The following CCDC144A variants were observed in gnomAD, a reference collection of about 807,000 sequenced individuals.
CCDC144A encodes the protein coiled-coil domain containing 144A.
A neutral mutation model predicts 143.8 loss-of-function variants in CCDC144A; 41 were observed. That is an observed-to-expected ratio of 0.29 (90% CI 0.22 to 0.37). CCDC144A has a LOEUF of 0.37. CCDC144A is among the 10% of genes least tolerant of loss of function. The probability of loss-of-function intolerance (pLI) is 1.00; values close to 1 mark genes in which losing one functional copy is unlikely to be tolerated. For missense variants in CCDC144A, 637 were observed against 1,488.8 expected, an observed-to-expected ratio of 0.43 and a Z score of 9.41; for synonymous variants, 242 against 517.9, an observed-to-expected ratio of 0.47 and a Z score of 7.23.
chr17:16,679,070 T>C, the CCDC144A span, among the ~76,000 whole-genome samples: 1 of 140,804 alleles, frequency 7.1e-6, no homozygotes, highest in Admixed American at 7.0e-5. Context: ...TTTTTTGTTG[T>C]TGTTTTTGTA....
intron 12 of CCDC144A, chr17:16,737,398 C>G: frequency 1.1e-6 from 1 of 872,750 alleles, no homozygotes. Flanking sequence ...GATCTCCTGA[C>G]CTCGTGATCC....
At chr17:16,684,700 C>A (rs1293370443), upstream of CCDC144A, among the ~76,000 whole-genome samples, 1 of 151,720 alleles carries the variant, frequency 6.6e-6, no homozygotes, top group African/African-American at 2.4e-5. Context: ...CTCAGTGGTC[C>A]ACATCTGTAA....
chr17:16,673,563 T>C, the CCDC144A span, among the ~76,000 whole-genome samples: 3 of 151,972 alleles, frequency 2.0e-5, no homozygotes, highest in Non-Finnish European at 1.5e-5. Flanking sequence ...ATTTTGTATT[T>C]TTAGTAGAGA....
intron 15 of CCDC144A, chr17:16,767,326 A>ATGTC (rs1257171215): frequency 6.6e-6 from 1 of 152,254 alleles, no homozygotes; most frequent in Non-Finnish European, 1.5e-5. Context: ...ATACAAAGGC[A>ATGTC]TGTCTCCATA....
Position 16,708,808 on chromosome 17 carries a change from G to A in CCDC144A, c.751G>A (p.Glu251Lys), listed in dbSNP as rs1375579932. 1.2e-6 allele frequency: 2 copies of A among 1,611,730 alleles called. No homozygotes were observed. The highest frequency in any genetic ancestry group is 2.2e-5 in the East Asian group (1 of 44,852). Reference protein sequence around the residue: ...ENKQPQKTSQEPEMAKDCDRE... With the variant: ...ENKQPQKTSQKPEMAKDCDRE... ...TTTGCATCTGCAGAAAACGTCTCAAGAACCAGAAATGGCTAAGGATTGCGA... is the reference window on the plus strand; with the variant it reads ...TTTGCATCTGCAGAAAACGTCTCAAAAACCAGAAATGGCTAAGGATTGCGA... The change falls in exon 5 of 17, where the codon GAA becomes AAA. Residue 251 changes from glutamate (E) to lysine (K), a missense_variant. Physicochemically the swap from Glu to Lys is moderately conservative, Grantham distance 56. Transcript: ENST00000399273.
At chr17:16,707,401 T>C in intron 3 of CCDC144A, 68 bp from the exon 4 acceptor site, 6 of 838,024 alleles carry the variant, frequency 7.2e-6, no homozygotes, top group Non-Finnish European at 1.1e-5. Context: ...TTAAAATCTA[T>C]TTTTATAAAG....
At chr17:16,733,736 G>A (rs1162946233) in intron 11 of CCDC144A, among the ~76,000 whole-genome samples, 1 of 151,756 alleles carries the variant, frequency 6.6e-6, no homozygotes, top group African/African-American at 2.4e-5. Context: ...TGGTGGAAGA[G>A]CACTAGAAGT....
chr17:16,772,393 A>G (rs1450037672), intron 16 of CCDC144A, among the ~76,000 whole-genome samples: 1 of 151,814 alleles, frequency 6.6e-6, no homozygotes, highest in East Asian at 1.9e-4. Flanking sequence ...CTAGTAACCT[A>G]TTCAAGCAGT....
chr17:16,711,903 G>A, intron 6 of CCDC144A, 88 bp downstream of exon 6: 2 of 1,476,472 alleles, frequency 1.4e-6, no homozygotes, highest in South Asian at 1.3e-5. Flanking sequence ...GGCCAAGGCG[G>A]GTGAATCACC....
chr17:16,766,192 G>A lies in CCDC144A; in HGVS notation c.4098+2017G>A, dbSNP rs1476586401. On this transcript the variant is annotated intron_variant, in intron 15 of 16. Coordinates refer to ENST00000399273, the MANE Select transcript of CCDC144A (RefSeq NM_001382000.1). ...GAGGGGGCTTCCAGGTCACAGATAGGTGAGAGACAAACAGTTGCACTCTTT... is the reference window on the plus strand; with the variant it reads ...GAGGGGGCTTCCAGGTCACAGATAGATGAGAGACAAACAGTTGCACTCTTT... 2.0e-5 allele frequency: 3 copies of A among 152,590 alleles called. No individual in the cohort carries two copies. In the East Asian group the frequency reaches 5.8e-4, roughly 29 times the overall value. The allele number at this position is 152,590 out of a possible 1,614,324, so 9.5% of individuals were successfully genotyped here. A position where few individuals can be genotyped will look rare whatever the true frequency, so the allele number is the denominator to read the frequency against.
chr17:16,704,101 A>G (rs1911901071), intron 2 of CCDC144A, among the ~76,000 whole-genome samples: 1 of 152,148 alleles, frequency 6.6e-6, no homozygotes, highest in Non-Finnish European at 1.5e-5. Context: ...TTATGGTGAA[A>G]TGGACTTTAA....
chr17:16,761,897 A>T lies in CCDC144A; in HGVS notation c.3666+179A>T, dbSNP rs138781647. On this transcript the variant is annotated intron_variant, in intron 13 of 16. Transcript: ENST00000399273. Reference sequence around the variant, plus strand: ...TTTCGTTTCCATCATTCTTATAAGTAAATTGATCTTCCATAAGAATAATTC... The same window carrying T: ...TTTCGTTTCCATCATTCTTATAAGTTAATTGATCTTCCATAAGAATAATTC... Among the ~76,000 whole-genome samples, 334 of 152,370 alleles carry T rather than the reference A, an allele frequency of 2.2e-3. 1 individual carries two copies. The highest frequency in any genetic ancestry group is 7.4e-3 in the African/African-American group (306 of 41,578).
intron 12 of CCDC144A, chr17:16,745,916 A>T: frequency 1.9e-6 from 3 of 1,598,224 alleles, no homozygotes; most frequent in Non-Finnish European, 2.6e-6. Context: ...GCTCATCCTC[A>T]CTCCTTCTGG....
At chr17:16,680,082 T>G in the CCDC144A span, among the ~76,000 whole-genome samples, 16 of 152,140 alleles carry the variant, frequency 1.1e-4, no homozygotes, top group Middle Eastern at 3.4e-3. Flanking sequence ...CTTCCAAATT[T>G]TAAGGAATAA....
At position 16,716,608 on chromosome 17, in the gene CCDC144A, A is replaced by C. The variant is rs190939426; in HGVS notation, c.1716-3590A>C. Among the ~76,000 whole-genome samples the C allele has an allele frequency of 2.1e-3, 314 of 152,324 alleles. 2 individuals carry two copies. Among genetic ancestry groups the C allele is most frequent in the African/African-American group, 7.3e-3 (304 of 41,574 alleles). On this transcript the variant is annotated intron_variant, in intron 6 of 16. Coordinates refer to ENST00000399273, the MANE Select transcript of CCDC144A (RefSeq NM_001382000.1). ...AACAATATATAATGACTATAATGAC[A>C]TTTAGGAATTTTAACACTAAGATTT... is the stretch of plus-strand genomic sequence containing the variant.
the CCDC144A span, among the ~76,000 whole-genome samples, chr17:16,678,989 G>T: frequency 6.6e-6 from 1 of 151,964 alleles, no homozygotes; most frequent in Non-Finnish European, 1.5e-5. Flanking sequence ...CCCAACGTCA[G>T]GTGATCCGCC....
intron 12 of CCDC144A, among the ~76,000 whole-genome samples, chr17:16,738,776 G>A (rs1914134186): frequency 6.6e-6 from 1 of 151,906 alleles, no homozygotes. Context: ...TTTTGTGTTT[G>A]TATATGTATT....
Position 16,771,999 on chromosome 17 carries a change from A to T in CCDC144A, c.4121A>T (p.Asp1374Val). Residue 1374 changes from aspartate (D) to valine (V), a missense_variant, in exon 16 of 17, where the codon GAT (aspartate) becomes GTT (valine). Asp to Val is a radical substitution (Grantham distance 152). Transcript: ENST00000399273. ...LLKMQQKLQNDLTAEVAAATK... is the reference protein window; with the variant it reads ...LLKMQQKLQNVLTAEVAAATK... ...CAGATGCAGCAGAAGTTGCAAAATG[A>T]TCTAACTGCAGAAGTAGCAGGTATG... is the stretch of plus-strand genomic sequence containing the variant. 12 of 1,539,608 alleles carry T rather than the reference A, an allele frequency of 7.8e-6. No homozygotes were observed. Among genetic ancestry groups the T allele is most frequent in the Non-Finnish European group, 9.7e-6 (11 of 1,138,228 alleles).
chr17:16,736,621 ATTTG>A (rs1479234090), intron 12 of CCDC144A, among the ~76,000 whole-genome samples: 1 of 152,080 alleles, frequency 6.6e-6, no homozygotes, highest in Non-Finnish European at 1.5e-5. Context: ...TCTGTGATTT[ATTTG>A]TTTGGCACTG....
Sources: gnomAD v4.1 joint callset for allele counts (sites outside exome capture counted in the v4.1 genomes callset) on GRCh38, gnomAD v4.1.1 for gene constraint, MANE v1.5 for transcripts, NCBI Gene and HGNC (gene_info 2026-07-23, HGNC 2026-07-21) for gene names.